GPHN: variants seen among roughly 807,000 people sequenced by gnomAD.
The protein encoded by GPHN is gephyrin.
GPHN carries 17 observed loss-of-function variants against 95.5 expected under a neutral mutation model. The ratio of observed to expected loss-of-function variants is 0.18; its 90% confidence interval spans 0.12 to 0.27. The LOEUF is 0.27. Ranked by LOEUF, GPHN falls within the 10% of genes least tolerant of loss-of-function variation. The pLI, the probability that GPHN is intolerant of heterozygous loss-of-function variation, is 1.00. For synonymous variants in GPHN, 320 were observed against 322.5 expected, an observed-to-expected ratio of 0.99 and a Z score of 0.08; for missense variants, 660 against 978.1, an observed-to-expected ratio of 0.67 and a Z score of 4.34.
chr14:66,845,175 C>T (rs1017264600), intron 4 of GPHN, among the ~76,000 whole-genome samples: 3 of 152,120 alleles, frequency 2.0e-5, no homozygotes, highest in African/African-American at 7.2e-5. Flanking sequence ...AAATAATGCT[C>T]CTACAAACAT....
intron 5 of GPHN, among the ~76,000 whole-genome samples, chr14:66,890,447 A>G (rs928141399): frequency 1.3e-5 from 2 of 150,428 alleles, no homozygotes; most frequent in African/African-American, 2.5e-5. Context: ...CTATCTTTCT[A>G]TTTACAAAAT....
chr14:67,470,819 T>G, the GPHN span: 1 of 152,612 alleles, frequency 6.6e-6, no homozygotes, highest in Non-Finnish European at 1.5e-5. Flanking sequence ...GATGCTGCCA[T>G]GTCTAGTGGA....
At chr14:67,430,315 C>A in the GPHN span, among the ~76,000 whole-genome samples, 1 of 152,080 alleles carries the variant, frequency 6.6e-6, no homozygotes, top group Non-Finnish European at 1.5e-5. Context: ...AACATACGGG[C>A]CTAGGGAGGA....
chr14:67,688,598 C>CTTTT, the GPHN span, among the ~76,000 whole-genome samples: 4 of 136,538 alleles, frequency 2.9e-5, no homozygotes, highest in East Asian at 2.2e-4. Context: ...GCTTTGAACT[C>CTTTT]TTTTTTTTTT....
intron 2 of GPHN, among the ~76,000 whole-genome samples, chr14:66,683,841 G>A (rs1484512007): frequency 6.6e-6 from 1 of 151,656 alleles, no homozygotes; most frequent in Non-Finnish European, 1.5e-5. Context: ...GCCAGGCGTG[G>A]TGGCGGGCAC....
chr14:66,672,525 G>C (rs756806019), intron 1 of GPHN, among the ~76,000 whole-genome samples: 3 of 152,064 alleles, frequency 2.0e-5, no homozygotes, highest in Non-Finnish European at 4.4e-5. Context: ...AACTGTAACA[G>C]GGGTTTCATC....
At chr14:67,657,540 C>G in the GPHN span, among the ~76,000 whole-genome samples, 1 of 152,080 alleles carries the variant, frequency 6.6e-6, no homozygotes, top group Non-Finnish European at 1.5e-5. Flanking sequence ...AATTAACAAC[C>G]ACTGACAGAA....
intron 1 of GPHN, among the ~76,000 whole-genome samples, chr14:66,630,742 GATTA>G (rs2063763343): frequency 1.3e-5 from 2 of 152,186 alleles, no homozygotes; most frequent in Non-Finnish European, 2.9e-5. Flanking sequence ...AAAGTGCTGA[GATTA>G]CAGGCGTGAG....
chr14:66,868,093 T>C (rs78203244), intron 4 of GPHN, among the ~76,000 whole-genome samples: 2,379 of 152,274 alleles, frequency 0.016, 33 homozygotes, highest in Non-Finnish European at 0.018. Flanking sequence ...TACATCTCAC[T>C]TTGATAACTT....
intron 10 of GPHN, among the ~76,000 whole-genome samples, chr14:67,032,441 A>G (rs2074235517): frequency 6.6e-6 from 1 of 152,190 alleles, no homozygotes; most frequent in Non-Finnish European, 1.5e-5. Flanking sequence ...AGAAGAGTGG[A>G]ACATGCATTA....
chr14:67,411,916 C>T, the GPHN span: 2 of 1,108,030 alleles, frequency 1.8e-6, no homozygotes, highest in South Asian at 3.0e-5. Flanking sequence ...GGGATGGGAA[C>T]CAGAGCATGC....
At chr14:66,801,984 T>C (rs1200486968) in intron 3 of GPHN, among the ~76,000 whole-genome samples, 1 of 152,152 alleles carries the variant, frequency 6.6e-6, no homozygotes, top group African/African-American at 2.4e-5. Context: ...CTGTGTTCAC[T>C]CAAAGTCCTG....
chr14:66,723,607 A>C (rs2070956667), intron 2 of GPHN, among the ~76,000 whole-genome samples: 1 of 152,034 alleles, frequency 6.6e-6, no homozygotes, highest in South Asian at 2.1e-4. Context: ...ACATCAATTC[A>C]TTTTTATTGT....
chr14:67,164,813 A>G (rs2082180898), intron 19 of GPHN, among the ~76,000 whole-genome samples: 1 of 151,950 alleles, frequency 6.6e-6, no homozygotes, highest in African/African-American at 2.4e-5. Context: ...TTTAAGAATG[A>G]TTGTTGTAAA....
chr14:66,957,265 G>T (rs182637828), intron 8 of GPHN, among the ~76,000 whole-genome samples: 2 of 130,264 alleles, frequency 1.5e-5, no homozygotes, highest in Non-Finnish European at 3.1e-5. Flanking sequence ...GCACAATCTC[G>T]GCTCACTGAA....
chr14:66,949,891 G>T (rs141238335), intron 8 of GPHN, among the ~76,000 whole-genome samples: 3 of 150,808 alleles, frequency 2.0e-5, no homozygotes, highest in African/African-American at 7.3e-5. Context: ...CATTCAAAAG[G>T]GGAAACAATA....
At chr14:67,317,460 T>C in the GPHN span, 23 of 1,609,502 alleles carry the variant, frequency 1.4e-5, no homozygotes, top group East Asian at 3.8e-4. Flanking sequence ...AGGTTTTATA[T>C]AATGCCAATA....
chr14:67,320,201 T>C, the GPHN span: 3 of 1,595,500 alleles, frequency 1.9e-6, no homozygotes, highest in Non-Finnish European at 1.7e-6. Flanking sequence ...ATAATTTTGT[T>C]TGAAGAGCTT....
chr14:66,656,663 G>C (rs1595429511), intron 1 of GPHN, among the ~76,000 whole-genome samples: 1 of 150,012 alleles, frequency 6.7e-6, no homozygotes, highest in East Asian at 2.4e-4. Flanking sequence ...AATAATGACT[G>C]TATCTATGAT....
Sources: gnomAD v4.1 joint callset for allele counts (sites outside exome capture counted in the v4.1 genomes callset) on GRCh38, gnomAD v4.1.1 for gene constraint, MANE v1.5 for transcripts, NCBI Gene and HGNC (gene_info 2026-07-23, HGNC 2026-07-21) for gene names.